LRRC8B: variants seen among roughly 807,000 people sequenced by gnomAD.
The protein encoded by LRRC8B is volume-regulated anion channel subunit LRRC8B.
A neutral mutation model predicts 58.8 loss-of-function variants in LRRC8B; 23 were observed. That is an observed-to-expected ratio of 0.39 (90% confidence interval 0.28 to 0.55). The LOEUF is 0.55. Among genes scored for constraint, LRRC8B ranks in the 20% least tolerant of loss-of-function variants. The probability of loss-of-function intolerance (pLI) is 0.62; values close to 1 mark genes in which losing one functional copy is unlikely to be tolerated. For synonymous variants in LRRC8B, 359 were observed against 374.1 expected, an observed-to-expected ratio of 0.96 and a Z score of 0.47; for missense variants, 694 against 936.0, an observed-to-expected ratio of 0.74 and a Z score of 3.37.
intron 1 of LRRC8B, among the ~76,000 whole-genome samples, chr1:89,538,138 C>T (rs1034641419): frequency 1.3e-5 from 2 of 152,038 alleles, no homozygotes; most frequent in Non-Finnish European, 2.9e-5. Context: ...TCTTTTGGAC[C>T]CAGGCATGGT....
rs1175326475 is a variant in LRRC8B, at chr1:89,597,682, AT to A, written c.*4643del. The A allele has an allele frequency of 6.6e-6, 1 of 152,128 alleles. No homozygotes were observed. Among genetic ancestry groups the A allele is most frequent in the Non-Finnish European group, 1.5e-5 (1 of 68,026 alleles). The allele number at this position is 152,128 out of a possible 1,614,324, so 9.4% of individuals were successfully genotyped here. On this transcript the variant is annotated 3_prime_UTR_variant, in exon 6 of 6. Transcript: ENST00000330947. ...GTAATGAATTATTAGAAAATGGAAG[AT>A]TTTGTTCAATGTTTTTGGCCCTCAG...
At chr1:89,545,605 T>A (rs1651341776) in intron 1 of LRRC8B, among the ~76,000 whole-genome samples, 1 of 152,228 alleles carries the variant, frequency 6.6e-6, no homozygotes, top group Non-Finnish European at 1.5e-5. Context: ...TAATAAACTC[T>A]ATAAAACCAA....
At chr1:89,542,838 A>G (rs558598435) in intron 1 of LRRC8B, among the ~76,000 whole-genome samples, 8 of 152,266 alleles carry the variant, frequency 5.3e-5, no homozygotes, top group East Asian at 3.9e-4. Context: ...AACTACTTCA[A>G]CCTCACATCA....
At chr1:89,559,618 AT>A (rs1302522944) in intron 1 of LRRC8B, among the ~76,000 whole-genome samples, 58 of 80,830 alleles carry the variant, frequency 7.2e-4, no homozygotes, top group African/African-American at 2.2e-3. Context: ...AAAAAAAAAT[AT>A]ATATATATAT....
intron 1 of LRRC8B, among the ~76,000 whole-genome samples, chr1:89,548,827 T>C (rs1651599525): frequency 6.6e-6 from 1 of 152,182 alleles, no homozygotes; most frequent in South Asian, 2.1e-4. Context: ...TTTCCCATGT[T>C]AATTCCTTTG....
At chr1:89,545,488 C>T (rs1651333662) in intron 1 of LRRC8B, among the ~76,000 whole-genome samples, 1 of 152,106 alleles carries the variant, frequency 6.6e-6, no homozygotes, top group Non-Finnish European at 1.5e-5. Context: ...AGTCTTCTTT[C>T]CACCCTGTCA....
intron 1 of LRRC8B, among the ~76,000 whole-genome samples, chr1:89,528,764 TC>T (rs1649888235): frequency 6.6e-6 from 1 of 152,134 alleles, no homozygotes; most frequent in Admixed American, 6.5e-5. Flanking sequence ...AGCTTCATGA[TC>T]CCAAGATGGA....
chr1:89,563,138 T>C (rs1334148926), intron 1 of LRRC8B, among the ~76,000 whole-genome samples: 1 of 152,214 alleles, frequency 6.6e-6, no homozygotes, highest in Non-Finnish European at 1.5e-5. Flanking sequence ...ACAGTTTTCC[T>C]GTTTTACATG....
At chr1:89,565,821 G>T (rs1052581557) in intron 1 of LRRC8B, among the ~76,000 whole-genome samples, 3 of 152,128 alleles carry the variant, frequency 2.0e-5, no homozygotes, top group Non-Finnish European at 4.4e-5. Context: ...AGGATTTGAT[G>T]CCACTTCACA....
Position 89,584,764 on chromosome 1 carries a change from A to C in LRRC8B, c.2114A>C (p.Gln705Pro). ...GAAATCCAGTATCTGAGTAATTTGCAGTACTTTGCTGTGACCAACAACAAT... is the reference window on the plus strand; with the variant it reads ...GAAATCCAGTATCTGAGTAATTTGCCGTACTTTGCTGTGACCAACAACAAT... ...PEEIQYLSNL[Q>P]YFAVTNNNIE... The change falls in exon 5 of 6, where the codon CAG (glutamine) becomes CCG (proline). Residue 705 changes from glutamine (Q) to proline (P), a missense_variant. Physicochemically the swap from Gln to Pro is moderately conservative, Grantham distance 76. This residue lies in a region of LRRC8B where 139 missense variants were observed against 158.2 expected (regional missense o/e 0.88). Coordinates refer to ENST00000330947, the MANE Select transcript of LRRC8B (RefSeq NM_001369817.2). The C allele has an allele frequency of 6.2e-7, 1 of 1,609,306 alleles. No individual in the cohort carries two copies. The highest frequency in any genetic ancestry group is 8.5e-7 in the Non-Finnish European group (1 of 1,177,800).
At chr1:89,591,027 C>T (rs1654941268) in intron 5 of LRRC8B, among the ~76,000 whole-genome samples, 1 of 152,152 alleles carries the variant, frequency 6.6e-6, no homozygotes, top group Admixed American at 6.5e-5. Context: ...AAGAATTTTT[C>T]CACCCACAAT....
In LRRC8B at chr1:89,582,749, G is replaced by A; in HGVS notation, c.99G>A (p.Leu33=). 1 of 1,614,190 alleles carries A rather than the reference G, an allele frequency of 6.2e-7. No individual in the cohort carries two copies. Among genetic ancestry groups the A allele is most frequent in the Non-Finnish European group, 8.5e-7 (1 of 1,180,028 alleles). ...ACGTCTTCTGGTATTACATCACACT[G>A]ATCATGCTGCTGGTGGCCGTGCTGG... is the stretch of plus-strand genomic sequence containing the variant. ...WWDVFWYYIT[L]IMLLVAVLAG... Residue 33 remains leucine, a synonymous_variant, in exon 5 of 6, where the codon CTG becomes CTA. Coordinates refer to ENST00000330947, the MANE Select transcript of LRRC8B (RefSeq NM_001369817.2).
chr1:89,545,845 A>C (rs1557597796), intron 1 of LRRC8B, among the ~76,000 whole-genome samples: 1 of 152,224 alleles, frequency 6.6e-6, no homozygotes, highest in Non-Finnish European at 1.5e-5. Context: ...GGAAAGTTGA[A>C]GAAGGGGGTG....
intron 1 of LRRC8B, among the ~76,000 whole-genome samples, chr1:89,561,722 GC>G (rs1182977114): frequency 4.4e-5 from 6 of 134,868 alleles, no homozygotes; most frequent in Middle Eastern, 3.5e-3. Flanking sequence ...ATTTCTGAGG[GC>G]TCTGTTCTGT....
intron 1 of LRRC8B, among the ~76,000 whole-genome samples, chr1:89,562,016 T>C (rs1652695541): frequency 6.6e-6 from 1 of 152,000 alleles, no homozygotes; most frequent in South Asian, 2.1e-4. Context: ...CAAAAATGAG[T>C]TTATTACGAA....
intron 1 of LRRC8B, among the ~76,000 whole-genome samples, chr1:89,550,457 T>C (rs1570584197): frequency 6.6e-6 from 1 of 152,356 alleles, no homozygotes; most frequent in South Asian, 2.1e-4. Context: ...TCATTAGGTC[T>C]GGACCTAAAT....
chr1:89,536,554 A>C (rs914010882), intron 1 of LRRC8B, among the ~76,000 whole-genome samples: 1 of 152,232 alleles, frequency 6.6e-6, no homozygotes, highest in African/African-American at 2.4e-5. Context: ...ACAGGGAATA[A>C]ATCCAACAGA....
chr1:89,591,164 C>T (rs1374694179), intron 5 of LRRC8B, among the ~76,000 whole-genome samples: 2 of 152,246 alleles, frequency 1.3e-5, no homozygotes, highest in Non-Finnish European at 2.9e-5. Flanking sequence ...AGAAGGCACT[C>T]AGCACGTGCT....
At chr1:89,554,511 A>G (rs1166597677) in intron 1 of LRRC8B, among the ~76,000 whole-genome samples, 2 of 152,114 alleles carry the variant, frequency 1.3e-5, no homozygotes, top group Admixed American at 6.5e-5. Context: ...TGAGTGTGAC[A>G]CCTTTCGATT....
Sources: allele counts gnomAD v4.1 joint callset (sites outside exome capture counted in the v4.1 genomes callset), GRCh38; gene constraint gnomAD v4.1.1; regional missense constraint gnomAD v4.1.1; transcripts MANE v1.5; gene names NCBI Gene and HGNC (gene_info 2026-07-23, HGNC 2026-07-21).